Variants in TSHR observed in about 807,000 individuals in gnomAD.
The protein encoded by TSHR is thyroid stimulating hormone receptor.
In TSHR, 51 loss-of-function variants were observed where a neutral mutation model predicts 64.1. That is an observed-to-expected ratio of 0.80 (90% CI 0.64 to 1.01). The LOEUF is 1.01. Among genes scored for constraint, TSHR ranks in the 50% least tolerant of loss-of-function variants. TSHR has a pLI of 0.00. For synonymous variants in TSHR, 361 were observed against 361.9 expected (o/e 1.00, Z 0.03); for missense variants, 877 against 942.8 (o/e 0.93, Z 0.91).
chr14:81,024,154 G>A (rs922539692), intron 1 of TSHR, among the ~76,000 whole-genome samples: 15 of 151,854 alleles, frequency 9.9e-5, no homozygotes, highest in African/African-American at 3.6e-4. Flanking sequence ...AAATTCTTCA[G>A]CTTTAGTTCC....
intron 6 of TSHR, among the ~76,000 whole-genome samples, chr14:81,093,266 G>A (rs890147140): frequency 3.9e-5 from 6 of 152,224 alleles, no homozygotes; most frequent in African/African-American, 1.4e-4. Flanking sequence ...CTGAATGGGG[G>A]CAAAGCCCTT....
intron 1 of TSHR, among the ~76,000 whole-genome samples, chr14:81,026,367 C>A (rs193143307): frequency 5.9e-5 from 9 of 152,132 alleles, no homozygotes. Context: ...TATATGCACA[C>A]GCATGCAAAC....
intron 7 of TSHR, chr14:81,104,984 C>G: frequency 1.0e-6 from 1 of 985,340 alleles, no homozygotes; most frequent in Non-Finnish European, 1.2e-6. Context: ...ATTTAGAAAC[C>G]CTGACTTTCA....
chr14:81,062,037 A>G, intron 1 of TSHR, 111 bp from the exon 2 acceptor site: 1 of 927,762 alleles, frequency 1.1e-6, no homozygotes, highest in Non-Finnish European at 1.7e-6. Context: ...GTATCAGCCA[A>G]CATATTGTGA....
Position 81,144,284 on chromosome 14 carries a change from T to C in TSHR, c.2226T>C (p.Ile742=). Residue 742 remains isoleucine, a synonymous_variant, in exon 10 of 10, where the codon ATT becomes ATC. Coordinates refer to ENST00000298171, the MANE Select transcript of TSHR (RefSeq NM_000369.5). ...ACATGGAAGATGTCTATGAACTGAT[T>C]GAAAACTCCCATCTAACCCCAAAGA... ...LHNMEDVYEL[I]ENSHLTPKKQ... The C allele has an allele frequency of 6.2e-7, 1 of 1,614,128 alleles. No homozygotes were observed. The highest frequency in any genetic ancestry group is 8.5e-7 in the Non-Finnish European group (1 of 1,180,012).
chr14:81,133,435 T>C (rs1891331856), intron 8 of TSHR, among the ~76,000 whole-genome samples: 1 of 152,048 alleles, frequency 6.6e-6, no homozygotes, highest in East Asian at 1.9e-4. Context: ...GACTTAGAGG[T>C]GATGGGTATG....
At chr14:81,113,585 A>T (rs1406645289) in intron 8 of TSHR, among the ~76,000 whole-genome samples, 1 of 152,206 alleles carries the variant, frequency 6.6e-6, no homozygotes, top group Non-Finnish European at 1.5e-5. Context: ...CTTTTTTTAA[A>T]CAACATTAAA....
intron 3 of TSHR, chr14:81,078,838 C>T (rs921913434): frequency 6.6e-6 from 1 of 152,180 alleles, no homozygotes; most frequent in Admixed American, 6.5e-5. Context: ...CAAATTGTTC[C>T]AGACACCAGC....
chr14:81,139,724 G>A lies in TSHR; in HGVS notation c.738G>A (p.Leu246=), dbSNP rs1891602535. 4 of 1,614,032 alleles carry A rather than the reference G, an allele frequency of 2.5e-6. No homozygotes were observed. In the Admixed American group the frequency reaches 5.0e-5, roughly 20 times the overall value. Residue 246 remains leucine, a synonymous_variant, in exon 9 of 10, where the codon CTG becomes CTA. Coordinates refer to ENST00000298171, the MANE Select transcript of TSHR (RefSeq NM_000369.5). ...TCACTGCCCTTCCATCCAAAGGCCTGGAGCACCTGAAGGAACTGATAGCAA... is the reference window on the plus strand; with the variant it reads ...TCACTGCCCTTCCATCCAAAGGCCTAGAGCACCTGAAGGAACTGATAGCAA... ...TSVTALPSKG[L]EHLKELIARN... is the part of the protein sequence containing the mutation.
intron 3 of TSHR, among the ~76,000 whole-genome samples, chr14:81,072,804 C>T (rs372432209): frequency 5.9e-5 from 8 of 136,602 alleles, no homozygotes; most frequent in Non-Finnish European, 9.0e-5. Context: ...GAGACCATCC[C>T]GGCTAAAACG....
intron 1 of TSHR, chr14:80,983,731 G>T (rs1391520707): frequency 4.6e-6 from 2 of 431,508 alleles, no homozygotes; most frequent in African/African-American, 2.0e-5. Context: ...GGTTATTATG[G>T]TGTACAAGTT....
chr14:81,067,606 C>T (rs1476537678), intron 2 of TSHR, among the ~76,000 whole-genome samples: 1 of 148,936 alleles, frequency 6.7e-6, no homozygotes, highest in East Asian at 1.9e-4. Context: ...ACATTGCCTA[C>T]ACATTAGAAT....
chr14:81,018,223 A>G (rs1883532029), intron 1 of TSHR, among the ~76,000 whole-genome samples: 1 of 152,182 alleles, frequency 6.6e-6, no homozygotes, highest in African/African-American at 2.4e-5. Context: ...AAGCCGCCCA[A>G]TAAATGTTCT....
At chr14:81,038,921 C>T (rs1003025845) in intron 1 of TSHR, among the ~76,000 whole-genome samples, 1 of 151,402 alleles carries the variant, frequency 6.6e-6, no homozygotes, top group South Asian at 2.1e-4. Context: ...TCACAGAAAA[C>T]CATGGGACCT....
At chr14:81,048,346 G>A (rs957548798) in intron 1 of TSHR, among the ~76,000 whole-genome samples, 8 of 152,052 alleles carry the variant, frequency 5.3e-5, no homozygotes, top group East Asian at 1.9e-4. Context: ...ATTCCTGGCC[G>A]GGATCACTGT....
chr14:81,033,828 T>C (rs1884484595), intron 1 of TSHR, among the ~76,000 whole-genome samples: 1 of 152,240 alleles, frequency 6.6e-6, no homozygotes, highest in South Asian at 2.1e-4. Context: ...TGACATTTTA[T>C]GCATGCCTGC....
chr14:81,010,751 T>C (rs1299790350), intron 1 of TSHR, among the ~76,000 whole-genome samples: 2 of 152,286 alleles, frequency 1.3e-5, no homozygotes, highest in Non-Finnish European at 2.9e-5. Context: ...TTAAAGACAA[T>C]ACTTCTAGAG....
At chr14:81,128,286 C>T (rs1213053773) in intron 8 of TSHR, among the ~76,000 whole-genome samples, 2 of 152,102 alleles carry the variant, frequency 1.3e-5, no homozygotes, top group South Asian at 2.1e-4. Flanking sequence ...AGAAAGTATT[C>T]TTATTCCTAT....
rs184432341 is a variant in TSHR at position 81,143,201 on chromosome 14, T to C, written c.1143T>C (p.Phe381=). The C allele has an allele frequency of 1.3e-5, 21 of 1,614,168 alleles. No individual in the cohort carries two copies. The East Asian group carries it at 4.5e-4, about 34-fold the overall frequency. The change falls in exon 10 of 10, where the codon TTT becomes TTC. Residue 381 remains phenylalanine, a synonymous_variant. Coordinates refer to ENST00000298171, the MANE Select transcript of TSHR (RefSeq NM_000369.5). ...KNPQEETLQA[F]DSHYDYTICG... The stretch of plus-strand genomic sequence containing the variant: ...CCCAGGAAGAGACTCTACAAGCTTT[T>C]GACAGCCATTATGACTACACCATAT...
Sources: allele counts gnomAD v4.1 joint callset (sites outside exome capture counted in the v4.1 genomes callset), GRCh38; gene constraint gnomAD v4.1.1; transcripts MANE v1.5; gene names NCBI Gene and HGNC (gene_info 2026-07-23, HGNC 2026-07-21).